Variants in JAG1 observed in about 807,000 individuals in gnomAD.
The protein encoded by JAG1 is protein jagged-1.
In JAG1, 23 loss-of-function variants were observed where a neutral mutation model predicts 148.7. That is an observed-to-expected ratio of 0.15 (90% CI 0.11 to 0.22). The LOEUF is 0.22. Among genes scored for constraint, JAG1 ranks in the 10% least tolerant of loss-of-function variants. JAG1 has a pLI of 1.00. For missense variants in JAG1, 1,054 were observed against 1,611.2 expected (o/e 0.65, Z 5.92); for synonymous variants, 572 against 598.3 (o/e 0.96, Z 0.64).
At chr20:10,662,080 G>A (rs1358359265) in intron 3 of JAG1, 1 of 152,196 alleles carries the variant, frequency 6.6e-6, no homozygotes, top group Non-Finnish European at 1.5e-5. Context: ...TCATAAAAGA[G>A]GCCAAATAGG....
In JAG1 at chr20:10,640,915, C is replaced by T; in HGVS notation, c.3067G>A (p.Asp1023Asn). 1 of 1,614,174 alleles carries T rather than the reference C, an allele frequency of 6.2e-7. No individual in the cohort carries two copies. Among genetic ancestry groups the T allele is most frequent in the Non-Finnish European group, 8.5e-7 (1 of 1,180,014 alleles). The change falls in exon 25 of 26, where the codon GAT (aspartate) becomes AAT (asparagine). Residue 1023 changes from aspartate to asparagine, a missense_variant. By Grantham distance (23) the Asp-to-Asn change is conservative. Coordinates refer to ENST00000254958, the MANE Select transcript of JAG1 (RefSeq NM_000214.3). ...ATTTCCTTGATCGGGTTCCCATCATCCCGTATATCTTCAGCAGACTGGAAA... is the reference window on the plus strand; with the variant it reads ...ATTTCCTTGATCGGGTTCCCATCATTCCGTATATCTTCAGCAGACTGGAAA... ...HVAISAEDIRDDGNPIKEITD... is the reference protein window; with the variant it reads ...HVAISAEDIRNDGNPIKEITD...
intron 3 of JAG1, among the ~76,000 whole-genome samples, chr20:10,663,186 C>G (rs1016951384): frequency 1.3e-5 from 2 of 152,198 alleles, no homozygotes; most frequent in Admixed American, 6.5e-5. Context: ...CATGCACAGA[C>G]CAAGAGATTT....
Position 10,650,298 on chromosome 20 carries a change from C to T in JAG1, c.1183G>A (p.Gly395Arg). ...TGTGGGGGGCACACACACTTAAATCCGTTAACCAGGTCCTGGCAGGTGCCC... is the reference window on the plus strand; with the variant it reads ...TGTGGGGGGCACACACACTTAAATCTGTTAACCAGGTCCTGGCAGGTGCCC... ...HGGTCQDLVNGFKCVCPPQWT... is the reference protein window; with the variant it reads ...HGGTCQDLVNRFKCVCPPQWT... Residue 395 changes from glycine (G) to arginine (R), a missense_variant, in exon 9 of 26, where the codon GGA becomes AGA. Transcript: ENST00000254958. 4.3e-6 allele frequency: 7 copies of T among 1,614,082 alleles called. No homozygotes were observed. The highest frequency in any genetic ancestry group is 5.9e-6 in the Non-Finnish European group (7 of 1,179,970).
rs2067251601 is a variant in JAG1, at chr20:10,639,003, A to G, written c.*495T>C. 1 of 148,418 alleles carries G rather than the reference A, an allele frequency of 6.7e-6. No individual in the cohort carries two copies. Among genetic ancestry groups the G allele is most frequent in the Admixed American group, 6.6e-5 (1 of 15,062 alleles). 9.2% of individuals were successfully genotyped at this position (148,418 alleles called of 1,614,324 possible). A position where few individuals can be genotyped will look rare whatever the true frequency, so the allele number is the denominator to read the frequency against. On this transcript the variant is annotated 3_prime_UTR_variant, in exon 26 of 26. Transcript: ENST00000254958. Reference sequence around the variant, plus strand: ...AAGTCTCCCCTCCCCCAACAACAAAAATACAATTAAAAAAAATAAATAATA... The same window carrying G: ...AAGTCTCCCCTCCCCCAACAACAAAGATACAATTAAAAAAAATAAATAATA...
chr20:10,648,998 C>T (rs918234002), intron 11 of JAG1, 63 bp downstream of exon 11: 9 of 1,311,482 alleles, frequency 6.9e-6, no homozygotes, highest in East Asian at 4.6e-5. Flanking sequence ...CTCCTAGTGT[C>T]GCACAAATCT....
chr20:10,644,845 A>AG lies in JAG1; in HGVS notation c.2344+17dup, dbSNP rs774508190. 3 of 1,567,776 alleles carry AG rather than the reference A, an allele frequency of 1.9e-6. No individual in the cohort carries two copies. Among genetic ancestry groups the AG allele is most frequent in the East Asian group, 2.2e-5 (1 of 44,674 alleles). On this transcript the variant is annotated intron_variant, in intron 18 of 25. Coordinates refer to ENST00000254958, the MANE Select transcript of JAG1 (RefSeq NM_000214.3). Reference sequence around the variant, plus strand: ...GCTCCGACAGCCCTGGGAGAGTTCAAGGGGGGAGGACACTCACTCTGAGCA... The same window carrying AG: ...GCTCCGACAGCCCTGGGAGAGTTCAAGGGGGGGAGGACACTCACTCTGAGCA...
chr20:10,644,330 G>T (rs1275864027), intron 19 of JAG1, 27 bp downstream of exon 19: 1 of 1,577,462 alleles, frequency 6.3e-7, no homozygotes, highest in Non-Finnish European at 8.7e-7. Flanking sequence ...GTGGATGAGT[G>T]CTGGCTTAAA....
At chr20:10,669,030 A>AG (rs2067476629) in intron 2 of JAG1, among the ~76,000 whole-genome samples, 1 of 40,334 alleles carries the variant, frequency 2.5e-5, no homozygotes, top group Non-Finnish European at 4.4e-5. Context: ...CCTGCAAGAG[A>AG]AAAAAAAATT....
chr20:10,654,346 A>G (rs1378919488), intron 5 of JAG1, among the ~76,000 whole-genome samples: 1 of 152,232 alleles, frequency 6.6e-6, no homozygotes, highest in Non-Finnish European at 1.5e-5. Flanking sequence ...GGCACCAACC[A>G]AGTTATCCCA....
intron 3 of JAG1, 120 bp from the exon 4 acceptor site, chr20:10,658,842 G>T: frequency 8.6e-7 from 1 of 1,157,734 alleles, no homozygotes; most frequent in Non-Finnish European, 1.3e-6. Context: ...TTGTAAAAAA[G>T]GCAAAGAAAT....
rs755648887 is a variant in JAG1, at chr20:10,649,600, C to T, written c.1270G>A (p.Ala424Thr). 7.4e-6 allele frequency: 12 copies of T among 1,613,438 alleles called. No homozygotes were observed. In the East Asian group the frequency reaches 8.9e-5, roughly 12 times the overall value. ...GCAATGAGATTCTTACAGGATTTGG[C>T]GTTTACACAAGGTTTGGCCTCACAT... ...NECEAKPCVN[A>T]KSCKNLIASY... The change falls in exon 10 of 26, where the codon GCC becomes ACC. Residue 424 changes from alanine (A) to threonine (T), a missense_variant. Coordinates refer to ENST00000254958, the MANE Select transcript of JAG1 (RefSeq NM_000214.3).
At chr20:10,653,564 C>CGGTGGAG (rs2067359812) in intron 5 of JAG1, among the ~76,000 whole-genome samples, 1 of 44,968 alleles carries the variant, frequency 2.2e-5, no homozygotes, top group East Asian at 5.9e-4. Flanking sequence ...ACTAGCCTCC[C>CGGTGGAG]GGTGGAGCGT....
chr20:10,669,650 G>C (rs1217773519), intron 2 of JAG1, among the ~76,000 whole-genome samples: 1 of 135,228 alleles, frequency 7.4e-6, no homozygotes, highest in Non-Finnish European at 1.5e-5. Flanking sequence ...TAATAAGCCA[G>C]ATACCCCAAT....
In JAG1 at chr20:10,642,403, G is replaced by A. The variant is rs191497976; in HGVS notation, c.2572+85C>T. 4.1e-4 allele frequency: 316 copies of A among 775,678 alleles called. 4 individuals carry two copies. In the Admixed American group the frequency reaches 5.7e-3, roughly 14 times the overall value. The allele number at this position is 775,678 out of a possible 1,614,324, so 48.0% of individuals were successfully genotyped here. A position where few individuals can be genotyped will look rare whatever the true frequency, so the allele number is the denominator to read the frequency against. ...GTGTGTTCCCTTCCCTGAGCACAGT[G>A]GCTTATTTGTGAAAAGTCAAATGGT... On this transcript the variant is annotated intron_variant, in intron 21 of 25. Transcript: ENST00000254958.
Position 10,673,624 on chromosome 20 carries a change from C to A in JAG1, c.-94G>T. On this transcript the variant is annotated 5_prime_UTR_variant, in exon 1 of 26. Coordinates refer to ENST00000254958, the MANE Select transcript of JAG1 (RefSeq NM_000214.3). This position sits in a 1 kb window ranked among gnomAD's most constrained non-coding sequence, Gnocchi z 4.7. Reference sequence around the variant, plus strand: ...CTGCCGTCGCCGCTGCCCCTGCGGCCGCCGCGTCCCGGCTCTAATATACTC... The same window carrying A: ...CTGCCGTCGCCGCTGCCCCTGCGGCAGCCGCGTCCCGGCTCTAATATACTC... 2 of 537,376 alleles carry A rather than the reference C, an allele frequency of 3.7e-6. No individual in the cohort carries two copies. Among genetic ancestry groups the A allele is most frequent in the Non-Finnish European group, 5.4e-6 (2 of 372,436 alleles). The allele number at this position is 537,376 out of a possible 1,614,324, so 33.3% of individuals were successfully genotyped here. A position where few individuals can be genotyped will look rare whatever the true frequency, so the allele number is the denominator to read the frequency against.
intron 3 of JAG1, among the ~76,000 whole-genome samples, chr20:10,660,304 G>A (rs577738064): frequency 4.2e-5 from 5 of 120,128 alleles, no homozygotes; most frequent in Admixed American, 2.6e-4. Context: ...ACCCCGGCAC[G>A]CACTGAACCA....
chr20:10,639,692 C>T lies in JAG1; in HGVS notation c.3463G>A (p.Glu1155Lys). ...TTGTCCATGTCGTCCTCTTCTACTT[C>T]AGAATTGTGTGTCCTTATTTTAGAC... Reference protein sequence around the residue: ...KMSKIRTHNSEVEEDDMDKHQ... With the variant: ...KMSKIRTHNSKVEEDDMDKHQ... Residue 1155 changes from glutamate to lysine, a missense_variant, in exon 26 of 26, where the codon GAA (glutamate) becomes AAA (lysine). This residue lies in a region of JAG1 where 177 missense variants were observed against 177.3 expected (regional missense o/e 1.00). Coordinates refer to ENST00000254958, the MANE Select transcript of JAG1 (RefSeq NM_000214.3). The T allele has an allele frequency of 6.2e-7, 1 of 1,614,252 alleles. No homozygotes were observed.
At position 10,639,878 on chromosome 20, in the gene JAG1, G is replaced by A; in HGVS notation, c.3277C>T (p.Leu1093=). 7 of 1,614,204 alleles carry A rather than the reference G, an allele frequency of 4.3e-6. No homozygotes were observed. Among genetic ancestry groups the A allele is most frequent in the Non-Finnish European group, 5.9e-6 (7 of 1,180,040 alleles). The change falls in exon 26 of 26, where the codon CTG becomes TTG. Residue 1093 remains leucine, a synonymous_variant. Transcript: ENST00000254958. The part of the protein sequence containing the change: ...CCLVTAFYWC[L]RKRRKPGSHT... ...CTGCCCGGCTTCCGCCGCTTCCGCAGGCACCAGTAGAAGGCCGTCACCAAG... is the reference window on the plus strand; with the variant it reads ...CTGCCCGGCTTCCGCCGCTTCCGCAAGCACCAGTAGAAGGCCGTCACCAAG...
Position 10,641,712 on chromosome 20 carries a change from T to A in JAG1, c.2683-19A>T. On this transcript the variant is annotated intron_variant, in intron 22 of 25. Transcript: ENST00000254958. ...ACCAGACCTGGAGAAAAACAGAAGC[T>A]GGCAGCTTAGCAGGCATGCTCATCC... The A allele has an allele frequency of 6.2e-7, 1 of 1,613,136 alleles. No individual in the cohort carries two copies. The highest frequency in any genetic ancestry group is 8.5e-7 in the Non-Finnish European group (1 of 1,179,054).
Sources: gnomAD v4.1 joint callset for allele counts (sites outside exome capture counted in the v4.1 genomes callset) on GRCh38, gnomAD v4.1.1 for gene constraint, gnomAD v4.1.1 regional missense constraint, Gnocchi (gnomAD v3.1) non-coding constraint, MANE v1.5 for transcripts, NCBI Gene and HGNC (gene_info 2026-07-23, HGNC 2026-07-21) for gene names.